METTL15: variants seen among roughly 807,000 people sequenced by gnomAD.
METTL15 encodes methyltransferase 15, mitochondrial 12S rRNA N4-cytidine.
In METTL15, 34 loss-of-function variants were observed where a neutral mutation model predicts 38.3. The observed-to-expected ratio is 0.89, with a 90% CI of 0.68 to 1.18. The LOEUF (loss-of-function observed/expected upper bound fraction) is 1.18, where lower values mean the gene tolerates loss of function less well. METTL15 is among the 50% of genes most tolerant of loss of function. The probability of loss-of-function intolerance (pLI) is 0.00; values close to 1 mark genes in which losing one functional copy is unlikely to be tolerated. For missense variants in METTL15, 438 were observed against 498.4 expected (o/e 0.88, Z 1.15); for synonymous variants, 162 against 170.9 (o/e 0.95, Z 0.41).
intron 5 of METTL15, among the ~76,000 whole-genome samples, chr11:28,418,142 G>A (rs1468368181): frequency 2.0e-5 from 3 of 152,076 alleles, no homozygotes; most frequent in Non-Finnish European, 2.9e-5. Context: ...ACTGCCAGCT[G>A]TCACTCTTTG....
intron 6 of METTL15, among the ~76,000 whole-genome samples, chr11:28,453,419 T>G (rs1457034834): frequency 6.6e-6 from 1 of 152,228 alleles, no homozygotes; most frequent in Non-Finnish European, 1.5e-5. Flanking sequence ...TAACCTTCTA[T>G]CAGTCTTTAA....
At chr11:28,382,702 G>T (rs749630999) in intron 5 of METTL15, among the ~76,000 whole-genome samples, 3 of 151,982 alleles carry the variant, frequency 2.0e-5, no homozygotes, top group East Asian at 1.9e-4. Context: ...AGGCATGGAG[G>T]TGCATGCCTG....
chr11:28,125,475 A>G (rs1852436927), intron 3 of METTL15: 1 of 152,034 alleles, frequency 6.6e-6, no homozygotes, highest in South Asian at 2.1e-4. Flanking sequence ...ATCCATCCAA[A>G]ACTCTGAAAT....
intron 3 of METTL15, among the ~76,000 whole-genome samples, chr11:28,207,683 G>C (rs530882360): frequency 6.6e-6 from 1 of 152,144 alleles, no homozygotes; most frequent in Non-Finnish European, 1.5e-5. Context: ...CAGAAGGAAT[G>C]GTACCAATTC....
chr11:28,501,003 GT>G (rs1248195651), intron 6 of METTL15, among the ~76,000 whole-genome samples: 56 of 152,154 alleles, frequency 3.7e-4, no homozygotes, highest in Admixed American at 3.7e-3. Context: ...TCAAGCCCAA[GT>G]TTTTTAAGCG....
chr11:28,353,629 G>C (rs1356231290), intron 4 of METTL15, among the ~76,000 whole-genome samples: 2 of 152,174 alleles, frequency 1.3e-5, no homozygotes, highest in African/African-American at 4.8e-5. Context: ...AAGTATGTAA[G>C]TGTAATAAGA....
In METTL15 at chr11:28,331,537, A is replaced by G. The variant is rs532072812; in HGVS notation, c.*696A>G. ...TGTCAATTGTATTTATTTTAATAAT[A>G]GCTCACAATGCCTTTAGTAAGTAAT... On this transcript the variant is annotated 3_prime_UTR_variant, in exon 7 of 7. Transcript: ENST00000407364. 6.6e-6 allele frequency: 1 copy of G among 152,034 alleles called. No homozygotes were observed. Among genetic ancestry groups the G allele is most frequent in the Non-Finnish European group, 1.5e-5 (1 of 67,956 alleles). 9.4% of individuals were successfully genotyped at this position (152,034 alleles called of 1,614,324 possible).
At chr11:28,255,032 A>G (rs1033101818) in intron 4 of METTL15, among the ~76,000 whole-genome samples, 12 of 152,302 alleles carry the variant, frequency 7.9e-5, no homozygotes, top group Non-Finnish European at 1.0e-4. Context: ...CAAGGATTGC[A>G]TCGAATCTGT....
intron 4 of METTL15, among the ~76,000 whole-genome samples, chr11:28,357,977 T>A (rs1037002343): frequency 1.3e-5 from 2 of 151,960 alleles, no homozygotes; most frequent in Non-Finnish European, 2.9e-5. Context: ...AATGTTAACA[T>A]TATGTGGGAA....
intron 4 of METTL15, among the ~76,000 whole-genome samples, chr11:28,285,983 G>A (rs1242324976): frequency 6.6e-6 from 1 of 152,064 alleles, no homozygotes; most frequent in African/African-American, 2.4e-5. Context: ...TCTACCTCTT[G>A]AGCAGAGATA....
intron 6 of METTL15, among the ~76,000 whole-genome samples, chr11:28,461,740 TTTTTGTGTAAG>T (rs1851216987): frequency 6.6e-6 from 1 of 152,078 alleles, no homozygotes; most frequent in South Asian, 2.1e-4. Context: ...CAATTTTCCT[TTTTTGTGTAAG>T]TTTATGGAGT....
At chr11:28,511,302 C>G (rs1851672060) in intron 6 of METTL15, among the ~76,000 whole-genome samples, 1 of 152,150 alleles carries the variant, frequency 6.6e-6, no homozygotes, top group East Asian at 1.9e-4. Flanking sequence ...AGTTTATTAA[C>G]ATGTATTTTG....
intron 5 of METTL15, among the ~76,000 whole-genome samples, chr11:28,371,971 G>A (rs1035936216): frequency 6.6e-6 from 1 of 151,800 alleles, no homozygotes; most frequent in African/African-American, 2.4e-5. Flanking sequence ...CTATTTGGAT[G>A]CCTTTTTTTC....
At chr11:28,243,806 A>G (rs1163079796) in intron 4 of METTL15, among the ~76,000 whole-genome samples, 2 of 152,200 alleles carry the variant, frequency 1.3e-5, no homozygotes, top group Non-Finnish European at 2.9e-5. Context: ...TGTCATATTG[A>G]AAGAAAAAAA....
chr11:28,209,846 G>A (rs1234101686), intron 3 of METTL15, among the ~76,000 whole-genome samples: 1 of 151,952 alleles, frequency 6.6e-6, no homozygotes, highest in Non-Finnish European at 1.5e-5. Flanking sequence ...CCCTTGTTAT[G>A]TACTATGCAC....
intron 5 of METTL15, among the ~76,000 whole-genome samples, chr11:28,394,630 A>C (rs930518133): frequency 6.6e-6 from 1 of 152,134 alleles, no homozygotes; most frequent in Non-Finnish European, 1.5e-5. Flanking sequence ...TGAAGATATT[A>C]GATTTATCTT....
At chr11:28,283,155 T>C (rs73438510) in intron 4 of METTL15, among the ~76,000 whole-genome samples, 355 of 152,280 alleles carry the variant, frequency 2.3e-3, no homozygotes, top group African/African-American at 8.0e-3. Flanking sequence ...CGAATAGATG[T>C]TTTTCTTCCT....
At chr11:28,462,187 T>C (rs1851221835) in intron 6 of METTL15, among the ~76,000 whole-genome samples, 1 of 152,096 alleles carries the variant, frequency 6.6e-6, no homozygotes, top group Non-Finnish European at 1.5e-5. Flanking sequence ...AATACTTCCA[T>C]ATCTGACCTA....
At chr11:28,201,205 T>C (rs112393436) in intron 3 of METTL15, among the ~76,000 whole-genome samples, 30 of 151,998 alleles carry the variant, frequency 2.0e-4, no homozygotes, top group Non-Finnish European at 4.4e-4. Flanking sequence ...ATGTGATGGA[T>C]TATGTTGAAC....
Sources: gnomAD v4.1 joint callset for allele counts (sites outside exome capture counted in the v4.1 genomes callset) on GRCh38, gnomAD v4.1.1 for gene constraint, MANE v1.5 for transcripts, NCBI Gene and HGNC (gene_info 2026-07-23, HGNC 2026-07-21) for gene names.